The following DENND1A variants were observed in gnomAD, a reference collection of about 807,000 sequenced individuals.
DENND1A encodes the protein DENN domain containing 1A, also known as DENN domain-containing protein 1A.
In DENND1A, 51 loss-of-function variants were observed where a neutral mutation model predicts 113.7. That is an observed-to-expected ratio of 0.45 (90% CI 0.36 to 0.57). The LOEUF (loss-of-function observed/expected upper bound fraction) is 0.57, where lower values mean the gene tolerates loss of function less well. Ranked by LOEUF, DENND1A falls within the 20% of genes least tolerant of loss-of-function variation. The probability of loss-of-function intolerance (pLI) is 0.00; values close to 1 mark genes in which losing one functional copy is unlikely to be tolerated. For synonymous variants in DENND1A, 565 were observed against 570.8 expected (o/e 0.99, Z 0.14); for missense variants, 1,258 against 1,395.9 (o/e 0.90, Z 1.57).
At chr9:123,461,870 G>GA (rs2048551957) in intron 13 of DENND1A, 1 of 130,406 alleles carries the variant, frequency 7.7e-6, no homozygotes, top group South Asian at 2.6e-4. Context: ...TCAGATGTGT[G>GA]AATTAGACAT....
At chr9:123,862,861 T>C (rs1298028004) in intron 2 of DENND1A, among the ~76,000 whole-genome samples, 1 of 152,166 alleles carries the variant, frequency 6.6e-6, no homozygotes, top group Non-Finnish European at 1.5e-5. Flanking sequence ...ACTATAAAAC[T>C]CTGATGCAGC....
chr9:123,804,141 G>A (rs574675298), intron 2 of DENND1A, among the ~76,000 whole-genome samples: 12 of 152,336 alleles, frequency 7.9e-5, no homozygotes, highest in South Asian at 6.2e-4. Context: ...CAATGTTCTC[G>A]TGATAGTGAA....
rs985688610 is a variant in DENND1A at position 123,381,009 on chromosome 9, G to A, written c.*423C>T. The A allele has an allele frequency of 5.4e-5, 11 of 204,116 alleles. No individual in the cohort carries two copies. The highest frequency in any genetic ancestry group is 4.8e-4 in the Admixed American group (9 of 18,776). The allele number at this position is 204,116 out of a possible 1,614,324, so 12.6% of individuals were successfully genotyped here. ...GAGGGTAACCCTGTCACCTGTGTCC[G>A]AGGAGGTGGGCGTGCAGGGCCTGGC... On this transcript the variant is annotated 3_prime_UTR_variant, in exon 24 of 24. Coordinates refer to ENST00000394215, the MANE Select transcript of DENND1A (RefSeq NM_001352964.2). This position sits in a 1 kb window ranked among gnomAD's most constrained non-coding sequence, Gnocchi z 4.7.
intron 15 of DENND1A, among the ~76,000 whole-genome samples, chr9:123,455,820 T>A (rs1026251869): frequency 6.6e-6 from 1 of 152,252 alleles, no homozygotes; most frequent in African/African-American, 2.4e-5. Context: ...GGAACTCACA[T>A]GCAACCGTTA....
rs546001517 is a variant in DENND1A at position 123,516,884 on chromosome 9, CAAAAAAAAAAAAAAAA to C, written c.993+40670_993+40685del. 8.6e-5 allele frequency among the ~76,000 whole-genome samples: 8 copies of C among 93,396 alleles called. 1 individual carries two copies. The highest frequency in any genetic ancestry group is 7.3e-4 in the South Asian group (2 of 2,754). The allele number at this position is 93,396 out of a possible 152,430, so 61.3% of individuals were successfully genotyped here. A position where few individuals can be genotyped will look rare whatever the true frequency, so the allele number is the denominator to read the frequency against. On this transcript the variant is annotated intron_variant, in intron 13 of 23. Coordinates refer to ENST00000394215, the MANE Select transcript of DENND1A (RefSeq NM_001352964.2). The stretch of plus-strand genomic sequence containing the variant: ...CTGGTGACAGAGTGAGACTCTGTCT[CAAAAAAAAAAAAAAAA>C]AAAAAAAAAAAAAAAAAAAGAACGG...
At chr9:123,777,827 T>C (rs780560440) in intron 3 of DENND1A, among the ~76,000 whole-genome samples, 3 of 152,232 alleles carry the variant, frequency 2.0e-5, no homozygotes, top group Non-Finnish European at 4.4e-5. Flanking sequence ...AATGTAAATA[T>C]CAAATCTGCT....
intron 2 of DENND1A, among the ~76,000 whole-genome samples, chr9:123,806,719 T>C (rs1372865221): frequency 6.6e-6 from 1 of 152,208 alleles, no homozygotes; most frequent in Admixed American, 6.5e-5. Context: ...TTATACACTT[T>C]ATAAAGGCAA....
rs72419269 is a variant in DENND1A at position 123,779,872 on chromosome 9, C to CTTTTTTTTTTTTT, written c.133-10310_133-10309insAAAAAAAAAAAAA. Among the ~76,000 whole-genome samples, 17 of 143,914 alleles carry CTTTTTTTTTTTTT rather than the reference C, an allele frequency of 1.2e-4. 1 individual carries two copies. Among genetic ancestry groups the CTTTTTTTTTTTTT allele is most frequent in the Non-Finnish European group, 1.3e-4 (9 of 66,998 alleles). 94.4% of individuals were successfully genotyped at this position (143,914 alleles called of 152,430 possible). A position where few individuals can be genotyped will look rare whatever the true frequency, so the allele number is the denominator to read the frequency against. ...CCTTTCACATTCCACTTGCATGAGACTTTTTTTTGAGACGGAGTCTCGCTC... is the reference window on the plus strand; with the variant it reads ...CCTTTCACATTCCACTTGCATGAGACTTTTTTTTTTTTTTTTTTTTTGAGACGGAGTCTCGCTC... On this transcript the variant is annotated intron_variant, in intron 3 of 23. Coordinates refer to ENST00000394215, the MANE Select transcript of DENND1A (RefSeq NM_001352964.2).
intron 1 of DENND1A, among the ~76,000 whole-genome samples, chr9:123,904,209 C>T (rs1370135467): frequency 6.6e-6 from 1 of 152,172 alleles, no homozygotes; most frequent in Non-Finnish European, 1.5e-5. Context: ...ACACCAAAAA[C>T]CCATCTGTAC....
At chr9:123,457,527 A>T (rs1028310794) in intron 14 of DENND1A, 92 bp from the exon 15 acceptor site, 3 of 1,085,064 alleles carry the variant, frequency 2.8e-6, no homozygotes, top group Admixed American at 4.1e-5. Context: ...CCAAGGTAGG[A>T]GTTTTCAAAA....
chr9:123,467,060 C>CA lies in DENND1A; in HGVS notation c.994-9164dup, dbSNP rs1432330930. ...AGCAAGACGTCTCAGGAAAAAAACC[C>CA]AAAAAAACAAAAACAAAACAAAACA... On this transcript the variant is annotated intron_variant, in intron 13 of 23. Transcript: ENST00000394215. Among the ~76,000 whole-genome samples the CA allele has an allele frequency of 5.2e-4, 79 of 151,974 alleles. 1 individual carries two copies. The highest frequency in any genetic ancestry group is 3.4e-3 in the Middle Eastern group (1 of 294).
At chr9:123,665,053 T>C (rs1047650974) in intron 8 of DENND1A, among the ~76,000 whole-genome samples, 1 of 152,158 alleles carries the variant, frequency 6.6e-6, no homozygotes, top group African/African-American at 2.4e-5. Flanking sequence ...GCTTCCTCTG[T>C]CATTAGGGAA....
At chr9:123,599,946 A>T (rs1419271271) in intron 11 of DENND1A, among the ~76,000 whole-genome samples, 1 of 152,136 alleles carries the variant, frequency 6.6e-6, no homozygotes, top group Non-Finnish European at 1.5e-5. Flanking sequence ...TCGGCTGAGC[A>T]TGGTGTTAAA....
intron 12 of DENND1A, among the ~76,000 whole-genome samples, chr9:123,568,345 A>C (rs2058168476): frequency 6.6e-6 from 1 of 151,898 alleles, no homozygotes; most frequent in African/African-American, 2.4e-5. Flanking sequence ...TTTTTTTTGC[A>C]GGATTCTTAT....
At chr9:123,510,944 T>G (rs1188176506) in intron 13 of DENND1A, among the ~76,000 whole-genome samples, 3 of 152,198 alleles carry the variant, frequency 2.0e-5, no homozygotes, top group African/African-American at 7.2e-5. Context: ...GACTCGAGCA[T>G]GGAATAGGCA....
intron 1 of DENND1A, among the ~76,000 whole-genome samples, chr9:123,929,366 T>C (rs567575886): frequency 6.6e-6 from 1 of 152,046 alleles, no homozygotes; most frequent in African/African-American, 2.4e-5. Context: ...AGGGGGGAAA[T>C]AGAGAGACAG....
At chr9:123,642,263 A>T (rs1156985499) in intron 9 of DENND1A, among the ~76,000 whole-genome samples, 2 of 152,258 alleles carry the variant, frequency 1.3e-5, no homozygotes, top group Admixed American at 1.3e-4. Context: ...GAATGCCCGT[A>T]TAAGTAAAAC....
chr9:123,827,719 C>CTT (rs1230923090), intron 2 of DENND1A, among the ~76,000 whole-genome samples: 1 of 152,058 alleles, frequency 6.6e-6, no homozygotes, highest in Non-Finnish European at 1.5e-5. Flanking sequence ...CCAGTAAGTG[C>CTT]TTTAGGCTTT....
chr9:123,830,479 G>A (rs1308101807), intron 2 of DENND1A, among the ~76,000 whole-genome samples: 4 of 151,976 alleles, frequency 2.6e-5, no homozygotes, highest in African/African-American at 4.8e-5. Flanking sequence ...TTTACTATAT[G>A]TGAGTTATAA....
Sources: gnomAD v4.1 joint callset for allele counts (sites outside exome capture counted in the v4.1 genomes callset) on GRCh38, gnomAD v4.1.1 for gene constraint, Gnocchi (gnomAD v3.1) non-coding constraint, MANE v1.5 for transcripts, NCBI Gene and HGNC (gene_info 2026-07-23, HGNC 2026-07-21) for gene names.